Variants in ASH1L observed in about 807,000 individuals in gnomAD.
ASH1L encodes the protein histone-lysine N-methyltransferase ASH1L.
A neutral mutation model predicts 269.0 loss-of-function variants in ASH1L; 23 were observed. The observed-to-expected ratio is 0.09, with a 90% CI of 0.06 to 0.12. The LOEUF (loss-of-function observed/expected upper bound fraction) is 0.12. Ranked by LOEUF, ASH1L falls within the 10% of genes least tolerant of loss-of-function variation. The pLI is 1.00. For missense variants in ASH1L, 2,912 were observed against 3,567.8 expected (o/e 0.82, Z 4.68); for synonymous variants, 1,187 against 1,253.5 (o/e 0.95, Z 1.12).
Position 155,402,880 on chromosome 1 carries a change from T to TC in ASH1L, c.6009-7328_6009-7327insG, listed in dbSNP as rs1658969623. ...AGTTATACTTTTTTTTTTTTTTTTTTTCAGCATAAAAAGACATTGAAGGCC... is the reference window on the plus strand; with the variant it reads ...AGTTATACTTTTTTTTTTTTTTTTTTCTCAGCATAAAAAGACATTGAAGGCC... On this transcript the variant is annotated intron_variant, in intron 6 of 27. Transcript: ENST00000392403. Among the ~76,000 whole-genome samples the TC allele has an allele frequency of 2.7e-5, 4 of 150,082 alleles. No homozygotes were observed. The Admixed American group carries it at 2.7e-4, about 10-fold the overall frequency.
Position 155,438,470 on chromosome 1 carries a change from A to G in ASH1L, c.5685T>C (p.Asp1895=). The part of the protein sequence containing the change: ...ALHLSPDTVT[D]VIEAVVQSVN... Reference sequence around the variant, plus strand: ...CACTCTGAACAACAGCCTCAATTACATCTGTAACTGTGTCAGGACTGAGGT... The same window carrying G: ...CACTCTGAACAACAGCCTCAATTACGTCTGTAACTGTGTCAGGACTGAGGT... Residue 1895 remains aspartate (D), a synonymous_variant, in exon 5 of 28, where the codon GAT becomes GAC. Coordinates refer to ENST00000392403, the MANE Select transcript of ASH1L (RefSeq NM_018489.3). The G allele has an allele frequency of 6.2e-7, 1 of 1,613,832 alleles. No homozygotes were observed. The highest frequency in any genetic ancestry group is 8.5e-7 in the Non-Finnish European group (1 of 1,179,974).
chr1:155,556,167 A>G (rs1001218215), intron 1 of ASH1L, among the ~76,000 whole-genome samples: 2 of 152,210 alleles, frequency 1.3e-5, no homozygotes, highest in African/African-American at 2.4e-5. Flanking sequence ...GGACCACATG[A>G]GTCCAAGAGT....
intron 5 of ASH1L, among the ~76,000 whole-genome samples, chr1:155,436,471 C>T (rs919370724): frequency 2.8e-5 from 4 of 142,508 alleles, no homozygotes; most frequent in Non-Finnish European, 6.0e-5. Context: ...GGATTACAGG[C>T]GTGAGCCACC....
intron 2 of ASH1L, among the ~76,000 whole-genome samples, chr1:155,512,065 G>A (rs1341632854): frequency 1.3e-5 from 2 of 152,102 alleles, no homozygotes; most frequent in Non-Finnish European, 2.9e-5. Flanking sequence ...ACCCGCCTGG[G>A]TCTCCCAAAG....
intron 5 of ASH1L, among the ~76,000 whole-genome samples, chr1:155,429,457 A>C (rs955167362): frequency 1.5e-4 from 23 of 152,190 alleles, no homozygotes; most frequent in Middle Eastern, 6.8e-3. Flanking sequence ...TATTCTTAGT[A>C]GAGACGATGT....
intron 2 of ASH1L, among the ~76,000 whole-genome samples, chr1:155,499,338 C>T (rs1667360863): frequency 6.6e-6 from 1 of 152,138 alleles, no homozygotes; most frequent in East Asian, 1.9e-4. Flanking sequence ...TTTAACACCT[C>T]TTTTATTCCC....
Position 155,478,386 on chromosome 1 carries a change from G to C in ASH1L, c.4484C>G (p.Ser1495Cys). ...HRHKHREHRS[S>C]EQPQVSMDTG... ...GTCCATAGAAACCTGGGGTTGTTCA[G>C]AAGAACGGTGTTCTCTGTGTTTGTG... Residue 1495 changes from serine (S) to cysteine (C), a missense_variant, in exon 3 of 28, where the codon TCT becomes TGT. Ser to Cys is a moderately radical substitution (Grantham distance 112). Coordinates refer to ENST00000392403, the MANE Select transcript of ASH1L (RefSeq NM_018489.3). This position sits in a 1 kb window ranked among gnomAD's most constrained non-coding sequence, Gnocchi z 4.6. The C allele has an allele frequency of 6.2e-7, 1 of 1,614,072 alleles. No homozygotes were observed. Among genetic ancestry groups the C allele is most frequent in the Non-Finnish European group, 8.5e-7 (1 of 1,179,970 alleles).
At position 155,378,466 on chromosome 1, in the gene ASH1L, G is replaced by A. The variant is rs372042271; in HGVS notation, c.6223+37C>T. On this transcript the variant is annotated intron_variant, in intron 9 of 27. Transcript: ENST00000392403. ...GTGCTAGGCTCAGAAGAACATTAAC[G>A]TATAGAGGCAGAAAAAATAGCTCCT... 7 of 1,610,096 alleles carry A rather than the reference G, an allele frequency of 4.3e-6. No homozygotes were observed. The African/African-American group carries it at 5.3e-5, about 12-fold the overall frequency.
intron 7 of ASH1L, among the ~76,000 whole-genome samples, chr1:155,387,603 T>C (rs1013595849): frequency 2.0e-5 from 3 of 152,224 alleles, no homozygotes; most frequent in African/African-American, 2.4e-5. Flanking sequence ...GTGTGTAGGA[T>C]TGCCTTGGCT....
At chr1:155,427,237 C>G (rs1292377954) in intron 5 of ASH1L, among the ~76,000 whole-genome samples, 2 of 150,626 alleles carry the variant, frequency 1.3e-5, no homozygotes, top group Non-Finnish European at 2.9e-5. Flanking sequence ...AAGGTTCTAG[C>G]AATTCTGCTG....
In ASH1L at chr1:155,482,042, G is replaced by T. The variant is rs776736836; in HGVS notation, c.828C>A (p.Ile276=). ...IHKDLIKKPT[I]STAVGLVTKD... Reference sequence around the variant, plus strand: ...TAGTTACCAATCCAACTGCTGTGCTGATGGTTGGCTTTTTTATTAAGTCCT... The same window carrying T: ...TAGTTACCAATCCAACTGCTGTGCTTATGGTTGGCTTTTTTATTAAGTCCT... Residue 276 remains isoleucine, a synonymous_variant, in exon 3 of 28, where the codon ATC becomes ATA. Transcript: ENST00000392403. The T allele has an allele frequency of 1.9e-6, 3 of 1,614,012 alleles. No homozygotes were observed. The highest frequency in any genetic ancestry group is 2.5e-6 in the Non-Finnish European group (3 of 1,180,026).
At position 155,562,175 on chromosome 1, in the gene ASH1L, G is replaced by A; in HGVS notation, c.-122C>T. 1.9e-6 allele frequency: 3 copies of A among 1,596,150 alleles called. No individual in the cohort carries two copies. Among genetic ancestry groups the A allele is most frequent in the Non-Finnish European group, 2.6e-6 (3 of 1,166,574 alleles). On this transcript the variant is annotated 5_prime_UTR_variant, in exon 1 of 28. Coordinates refer to ENST00000392403, the MANE Select transcript of ASH1L (RefSeq NM_018489.3). ...CACCGTGTCGGAGGCCGAGGCCGAG[G>A]CCGAGAGCGATGAGAGTGCAGGGAA... is the stretch of plus-strand genomic sequence containing the variant.
At chr1:155,404,365 A>G (rs897364706) in intron 6 of ASH1L, among the ~76,000 whole-genome samples, 21 of 152,152 alleles carry the variant, frequency 1.4e-4, no homozygotes, top group African/African-American at 5.1e-4. Context: ...AAAAAAGAAA[A>G]AAATCCAGAA....
At position 155,481,636 on chromosome 1, in the gene ASH1L, G is replaced by T. The variant is rs370375387; in HGVS notation, c.1234C>A (p.Pro412Thr). The part of the protein sequence containing the change: ...KDIGKKLMSC[P>T]LAGLISKDAI... ...TCTTTACTGATCAGACCTGCCAAAG[G>T]ACAACTCATTAGTTTCTTTCCAATG... is the stretch of plus-strand genomic sequence containing the variant. The change falls in exon 3 of 28, where the codon CCT becomes ACT. Residue 412 changes from proline to threonine, a missense_variant. Pro to Thr is a conservative substitution (Grantham distance 38). Coordinates refer to ENST00000392403, the MANE Select transcript of ASH1L (RefSeq NM_018489.3). 13 of 1,614,064 alleles carry T rather than the reference G, an allele frequency of 8.1e-6. No individual in the cohort carries two copies. The highest frequency in any genetic ancestry group is 1.1e-5 in the Non-Finnish European group (13 of 1,180,018).
intron 12 of ASH1L, among the ~76,000 whole-genome samples, chr1:155,362,876 C>A (rs1655087183): frequency 6.6e-6 from 1 of 152,214 alleles, no homozygotes; most frequent in Non-Finnish European, 1.5e-5. Flanking sequence ...ATGTGGAACA[C>A]ATTAAGGGTT....
chr1:155,518,131 A>G (rs1268535478), intron 2 of ASH1L, among the ~76,000 whole-genome samples: 1 of 152,206 alleles, frequency 6.6e-6, no homozygotes, highest in Non-Finnish European at 1.5e-5. Context: ...TGCCAAAACC[A>G]TTCAATGAAG....
chr1:155,341,467 C>T (rs1016457631), intron 25 of ASH1L, among the ~76,000 whole-genome samples: 4 of 152,250 alleles, frequency 2.6e-5, no homozygotes, highest in South Asian at 2.1e-4. Context: ...TGAGCCACCG[C>T]GCCTGGCTCA....
At chr1:155,359,776 C>A (rs1222861231) in intron 13 of ASH1L, among the ~76,000 whole-genome samples, 2 of 152,086 alleles carry the variant, frequency 1.3e-5, no homozygotes, top group African/African-American at 4.8e-5. Flanking sequence ...CAGGGTTGCA[C>A]CATGTTACCC....
intron 3 of ASH1L, among the ~76,000 whole-genome samples, chr1:155,463,469 T>C (rs893462102): frequency 5.3e-5 from 8 of 152,188 alleles, no homozygotes; most frequent in African/African-American, 1.9e-4. Flanking sequence ...GTGACTACTA[T>C]ATATTAATTG....
Sources: allele counts gnomAD v4.1 joint callset (sites outside exome capture counted in the v4.1 genomes callset), GRCh38; gene constraint gnomAD v4.1.1; non-coding constraint Gnocchi (gnomAD v3.1); transcripts MANE v1.5; gene names NCBI Gene and HGNC (gene_info 2026-07-23, HGNC 2026-07-21).